The following KCNAB1 variants were observed in gnomAD, a reference collection of about 807,000 sequenced individuals.
KCNAB1 encodes voltage-gated potassium channel subunit beta-1.
In KCNAB1, 35 loss-of-function variants were observed where a neutral mutation model predicts 64.6. The ratio of observed to expected loss-of-function variants is 0.54; its 90% CI spans 0.41 to 0.72. KCNAB1 has a LOEUF of 0.72. Among genes scored for constraint, KCNAB1 ranks in the 30% least tolerant of loss-of-function variants. The pLI is 0.00. For missense variants in KCNAB1, 401 were observed against 512.9 expected (o/e 0.78, Z 2.11); for synonymous variants, 177 against 183.8 (o/e 0.96, Z 0.30).
At chr3:156,156,218 G>A (rs1715707819) in intron 1 of KCNAB1, among the ~76,000 whole-genome samples, 1 of 152,174 alleles carries the variant, frequency 6.6e-6, no homozygotes, top group Non-Finnish European at 1.5e-5. Context: ...ACTCCCAGGA[G>A]TTGGGGGCAA....
chr3:156,472,305 G>A (rs1181682325), intron 7 of KCNAB1, among the ~76,000 whole-genome samples: 1 of 152,192 alleles, frequency 6.6e-6, no homozygotes, highest in African/African-American at 2.4e-5. Flanking sequence ...AGCTGGATGA[G>A]CTGCGGTGGC....
At chr3:156,432,730 T>A (rs1716311106) in intron 2 of KCNAB1, among the ~76,000 whole-genome samples, 1 of 152,174 alleles carries the variant, frequency 6.6e-6, no homozygotes. Flanking sequence ...ACCTTATGCT[T>A]GACAATAGCC....
intron 1 of KCNAB1, among the ~76,000 whole-genome samples, chr3:156,165,583 C>T (rs1711525076): frequency 6.6e-6 from 1 of 152,286 alleles, no homozygotes; most frequent in Non-Finnish European, 1.5e-5. Context: ...TGAGTCAATA[C>T]CCCTAACTAA....
At chr3:156,292,846 T>C (rs529651840) in intron 1 of KCNAB1, among the ~76,000 whole-genome samples, 7 of 152,358 alleles carry the variant, frequency 4.6e-5, no homozygotes, top group African/African-American at 1.7e-4. Flanking sequence ...CCTGGCCTTA[T>C]TTATCTTTTG....
chr3:156,118,345 C>G (rs945164032), upstream of KCNAB1: 1 of 455,222 alleles, frequency 2.2e-6, no homozygotes, highest in African/African-American at 2.0e-5. Context: ...TTAAGGTAAT[C>G]AGGTTCCTTA....
intron 1 of KCNAB1, among the ~76,000 whole-genome samples, chr3:156,187,314 A>T (rs7627831): frequency 2.0e-5 from 3 of 152,030 alleles, no homozygotes; most frequent in Admixed American, 2.0e-4. Context: ...ACTACTGCTT[A>T]TAACTCTTAG....
intron 1 of KCNAB1, among the ~76,000 whole-genome samples, chr3:156,198,181 A>G (rs953029243): frequency 6.6e-6 from 1 of 152,064 alleles, no homozygotes; most frequent in African/African-American, 2.4e-5. Context: ...ATTCTTTTGC[A>G]TTTGCTGAGG....
At position 156,133,372 on chromosome 3, in the gene KCNAB1, A is replaced by G. The variant is rs567843308; in HGVS notation, c.275+12486A>G. 1.4e-4 allele frequency among the ~76,000 whole-genome samples: 22 copies of G among 152,378 alleles called. No homozygotes were observed. In the South Asian group the frequency reaches 4.6e-3, roughly 32 times the overall value. ...CCAAAAGCAGTACTGAATGTGTTTT[A>G]AAAGTATTTTCAGTTAAATGAATTT... On this transcript the variant is annotated intron_variant, in intron 1 of 13. Coordinates refer to ENST00000490337, the MANE Select transcript of KCNAB1 (RefSeq NM_172160.3).
At chr3:156,383,399 A>G (rs1211578725) in intron 1 of KCNAB1, among the ~76,000 whole-genome samples, 1 of 152,154 alleles carries the variant, frequency 6.6e-6, no homozygotes, top group Non-Finnish European at 1.5e-5. Flanking sequence ...GCTTGCCTGG[A>G]AACCCTTTTG....
At chr3:156,464,089 C>G (rs16826264) in intron 6 of KCNAB1, among the ~76,000 whole-genome samples, 2,873 of 152,186 alleles carry the variant, frequency 0.019, 115 homozygotes, top group African/African-American at 0.066. Context: ...AGAAAAGTCA[C>G]TCAAATCTGC....
chr3:156,451,480 G>A (rs1247825748), intron 2 of KCNAB1, among the ~76,000 whole-genome samples: 2 of 152,204 alleles, frequency 1.3e-5, no homozygotes, highest in African/African-American at 4.8e-5. Flanking sequence ...GGAATCCTGG[G>A]TATTCCACTT....
intron 1 of KCNAB1, among the ~76,000 whole-genome samples, chr3:156,136,365 T>TTAC (rs1714347768): frequency 6.6e-6 from 1 of 152,166 alleles, no homozygotes; most frequent in South Asian, 2.1e-4. Context: ...CACTGGTGGG[T>TTAC]TGTAGTGGCA....
At chr3:156,476,522 TACAC>T (rs10542832) in intron 8 of KCNAB1, among the ~76,000 whole-genome samples, 16,360 of 147,394 alleles carry the variant, frequency 0.11, 978 homozygotes, top group African/African-American at 0.16. Flanking sequence ...TATATATATA[TACAC>T]ACACACACAC....
At chr3:156,355,892 G>A (rs371119782) in intron 1 of KCNAB1, among the ~76,000 whole-genome samples, 3 of 152,170 alleles carry the variant, frequency 2.0e-5, no homozygotes, top group East Asian at 3.9e-4. Flanking sequence ...CAAGGCAGGT[G>A]GATCGCTTGA....
At chr3:156,499,027 A>G (rs1049781011) in intron 8 of KCNAB1, among the ~76,000 whole-genome samples, 1 of 152,256 alleles carries the variant, frequency 6.6e-6, no homozygotes, top group Non-Finnish European at 1.5e-5. Flanking sequence ...TGGGATGCTC[A>G]AGGCATTTTG....
chr3:156,173,821 C>A (rs1712167996), intron 1 of KCNAB1, among the ~76,000 whole-genome samples: 1 of 152,218 alleles, frequency 6.6e-6, no homozygotes, highest in Non-Finnish European at 1.5e-5. Flanking sequence ...CTGTGTGAAG[C>A]AGATTGCCCT....
chr3:156,141,631 G>A (rs748188860), intron 1 of KCNAB1, among the ~76,000 whole-genome samples: 17 of 151,696 alleles, frequency 1.1e-4, no homozygotes, highest in Non-Finnish European at 2.4e-4. Flanking sequence ...GTGGTATTTC[G>A]TAGTATGAAT....
chr3:156,511,641 G>T (rs1213972437), intron 8 of KCNAB1, among the ~76,000 whole-genome samples: 1 of 151,888 alleles, frequency 6.6e-6, no homozygotes, highest in East Asian at 1.9e-4. Context: ...CTCTCTGTTT[G>T]CCATCATCAC....
At chr3:156,224,032 A>C (rs1715979958) in intron 1 of KCNAB1, among the ~76,000 whole-genome samples, 1 of 152,206 alleles carries the variant, frequency 6.6e-6, no homozygotes, top group African/African-American at 2.4e-5. Context: ...TGTGAGACTC[A>C]GGCATGGCGG....
Sources: allele counts gnomAD v4.1 joint callset (sites outside exome capture counted in the v4.1 genomes callset), GRCh38; gene constraint gnomAD v4.1.1; transcripts MANE v1.5; gene names NCBI Gene and HGNC (gene_info 2026-07-23, HGNC 2026-07-21).